CTSK: variants seen among roughly 807,000 people sequenced by gnomAD.
The protein encoded by CTSK is cathepsin K.
In CTSK, 26 loss-of-function variants were observed where a neutral mutation model predicts 40.5. The observed-to-expected ratio is 0.64, with a 90% CI of 0.47 to 0.89. CTSK has a LOEUF of 0.89. Ranked by LOEUF, CTSK falls within the 40% of genes least tolerant of loss-of-function variation. The pLI is 0.00. For missense variants in CTSK, 292 were observed against 400.1 expected (o/e 0.73, Z 2.30); for synonymous variants, 132 against 143.2 (o/e 0.92, Z 0.56).
intron 7 of CTSK, 50 bp downstream of exon 7, chr1:150,799,118 T>G: frequency 7.5e-6 from 9 of 1,197,954 alleles, no homozygotes; most frequent in South Asian, 1.2e-5. Context: ...GAGGTGAGGT[T>G]GAGTGTTAAA....
At position 150,799,600 on chromosome 1, in the gene CTSK, C is replaced by T; in HGVS notation, c.728G>A (p.Gly243Glu). The change falls in exon 6 of 8, where the codon GGA (glycine) becomes GAA (glutamate). Residue 243 changes from glycine to glutamate, a missense_variant. Gly to Glu is a moderately conservative substitution (Grantham distance 98, BLOSUM62 -2). Transcript: ENST00000271651. ...TGCATCAATGGCCACAGAGACAGGT[C>T]CCACTCGGGCCACTGCCCTCTTCAG... ...KALKRAVARVGPVSVAIDASL... is the reference protein window; with the variant it reads ...KALKRAVARVEPVSVAIDASL... The T allele has an allele frequency of 6.2e-7, 1 of 1,614,168 alleles. No individual in the cohort carries two copies. Among genetic ancestry groups the T allele is most frequent in the South Asian group, 1.1e-5 (1 of 91,076 alleles).
At chr1:150,807,080 T>TCACACACACACACACA (rs1171180978) in intron 1 of CTSK, among the ~76,000 whole-genome samples, 14 of 69,668 alleles carry the variant, frequency 2.0e-4, no homozygotes, top group South Asian at 7.9e-4. Flanking sequence ...TCTCTCTCTC[T>TCACACACACACACACA]CACACACACA....
At chr1:150,804,268 C>G in intron 4 of CTSK, 29 bp from the exon 5 acceptor site, 4 of 1,561,064 alleles carry the variant, frequency 2.6e-6, no homozygotes, top group Non-Finnish European at 3.5e-6. Flanking sequence ...AACTATCAAT[C>G]TTTGCTGTTT....
chr1:150,798,820 T>A (rs930807832), intron 7 of CTSK, among the ~76,000 whole-genome samples: 4 of 152,240 alleles, frequency 2.6e-5, no homozygotes, highest in Non-Finnish European at 5.9e-5. Flanking sequence ...TCTCTCACTA[T>A]GTGACATGCC....
At chr1:150,807,549 G>A (rs1205691708) in intron 1 of CTSK, 1 of 347,670 alleles carries the variant, frequency 2.9e-6, no homozygotes, top group Non-Finnish European at 5.6e-6. Flanking sequence ...CTGCCGCAAA[G>A]GACAAGAAGC....
At position 150,806,096 on chromosome 1, in the gene CTSK, A is replaced by C. The variant is rs765510109; in HGVS notation, c.243+6T>G. ...CAGGTGGGACAGGAGCTGAAGCTAT[A>C]CTTGCCATGTCCCCCAGGTGGTTCA... is the stretch of plus-strand genomic sequence containing the variant. On this transcript the variant is annotated splice_donor_region_variant and intron_variant, in intron 3 of 7. Coordinates refer to ENST00000271651, the MANE Select transcript of CTSK (RefSeq NM_000396.4). 3 of 1,614,190 alleles carry C rather than the reference A, an allele frequency of 1.9e-6. No individual in the cohort carries two copies.
Position 150,804,130 on chromosome 1 carries a change from C to A in CTSK, c.509G>T (p.Cys170Phe). 6.2e-7 allele frequency: 1 copy of A among 1,614,196 alleles called. No individual in the cohort carries two copies. The highest frequency in any genetic ancestry group is 2.2e-5 in the East Asian group (1 of 44,888). ...LNLSPQNLVD[C>F]VSENDGCGGG... The stretch of plus-strand genomic sequence containing the variant: ...TCCACAGCCATCATTCTCAGACACA[C>A]AATCCACTAGGTTCTGGGGACTCAG... Residue 170 changes from cysteine (C) to phenylalanine (F), a missense_variant, in exon 5 of 8, where the codon TGT becomes TTT. Transcript: ENST00000271651.
chr1:150,806,863 A>C lies in CTSK; in HGVS notation c.-1-57T>G. On this transcript the variant is annotated intron_variant, in intron 1 of 7. Coordinates refer to ENST00000271651, the MANE Select transcript of CTSK (RefSeq NM_000396.4). ...CCATTTGGCAGGGAAACAGAGGAAA[A>C]CTAGGCTTTATGAGGAAGAGAAAGG... is the stretch of plus-strand genomic sequence containing the variant. 3.1e-6 allele frequency: 5 copies of C among 1,602,292 alleles called. No individual in the cohort carries two copies. In the South Asian group the frequency reaches 5.5e-5, roughly 18 times the overall value.
rs1267654659 is a variant in CTSK at position 150,799,664 on chromosome 1, T to C, written c.664A>G (p.Arg222Gly). Residue 222 changes from arginine to glycine, a missense_variant, in exon 6 of 8, where the codon AGA (arginine) becomes GGA (glycine). By Grantham distance (125) the Arg-to-Gly change is moderately radical. Transcript: ENST00000271651. The part of the protein sequence containing the change: ...YNPTGKAAKC[R>G]GYREIPEGNE... ...CCCTCGGGGATCTCTCTGTACCCTCTGCATTTAGCTGCCTTGCCTGTTGGG... is the reference window on the plus strand; with the variant it reads ...CCCTCGGGGATCTCTCTGTACCCTCCGCATTTAGCTGCCTTGCCTGTTGGG... 1.2e-6 allele frequency: 2 copies of C among 1,614,094 alleles called. No homozygotes were observed. Among genetic ancestry groups the C allele is most frequent in the African/African-American group, 2.7e-5 (2 of 74,936 alleles).
At chr1:150,797,326 T>C (rs185340834) in intron 7 of CTSK, among the ~76,000 whole-genome samples, 1 of 152,320 alleles carries the variant, frequency 6.6e-6, no homozygotes, top group Admixed American at 6.5e-5. Flanking sequence ...TGAATTACCT[T>C]TACTGCAAGG....
intron 1 of CTSK, chr1:150,807,236 G>A (rs1451336915): frequency 2.1e-6 from 1 of 473,310 alleles, no homozygotes; most frequent in Non-Finnish European, 4.4e-6. Flanking sequence ...GGTGGTAGTG[G>A]GGTTCAGAAT....
chr1:150,799,413 G>T, intron 6 of CTSK, 131 bp downstream of exon 6: 1 of 1,247,904 alleles, frequency 8.0e-7, no homozygotes, highest in Non-Finnish European at 1.2e-6. Context: ...TACTGCAGCA[G>T]TTGTTAATTT....
intron 1 of CTSK, chr1:150,807,405 T>C (rs1308255206): frequency 2.1e-6 from 1 of 470,872 alleles, no homozygotes; most frequent in African/African-American, 2.0e-5. Context: ...ATTGTATATC[T>C]CCTCATTCTC....
Position 150,807,078 on chromosome 1 carries a change from TCTCACACACACACA to T in CTSK, c.-1-286_-1-273del, listed in dbSNP as rs1269687254. Among the ~76,000 whole-genome samples, 222 of 120,598 alleles carry T rather than the reference TCTCACACACACACA, an allele frequency of 1.8e-3. 2 individuals carry two copies. The highest frequency in any genetic ancestry group is 0.014 in the East Asian group (57 of 4,152). 79.1% of individuals were successfully genotyped at this position (120,598 alleles called of 152,430 possible). ...CTGTTTCTCTCTCTGTCTCTCTCTC[TCTCACACACACACA>T]CACACACACACACACACACACACAC... is the stretch of plus-strand genomic sequence containing the variant. On this transcript the variant is annotated intron_variant, in intron 1 of 7. Coordinates refer to ENST00000271651, the MANE Select transcript of CTSK (RefSeq NM_000396.4).
rs1340511400 is a variant in CTSK at position 150,805,842 on chromosome 1, C to A, written c.399+19G>T. On this transcript the variant is annotated intron_variant, in intron 4 of 7. Coordinates refer to ENST00000271651, the MANE Select transcript of CTSK (RefSeq NM_000396.4). The stretch of plus-strand genomic sequence containing the variant: ...GTCATGCCAGATTACATATGCACAC[C>A]CAGAAGAAAGGAGAGTACCTGATTT... The A allele has an allele frequency of 5.0e-6, 8 of 1,613,498 alleles. No individual in the cohort carries two copies. Among genetic ancestry groups the A allele is most frequent in the Non-Finnish European group, 6.8e-6 (8 of 1,179,844 alleles).
At chr1:150,803,925 C>G in intron 5 of CTSK, 96 bp downstream of exon 5, 1 of 1,087,966 alleles carries the variant, frequency 9.2e-7, no homozygotes, top group Non-Finnish European at 1.4e-6. Flanking sequence ...GATAGGATAA[C>G]AGAAAACAGT....
chr1:150,798,380 T>C (rs1415770947), intron 7 of CTSK, among the ~76,000 whole-genome samples: 1 of 152,232 alleles, frequency 6.6e-6, no homozygotes, highest in Non-Finnish European at 1.5e-5. Flanking sequence ...TCTAAGAAAC[T>C]GATCACATTA....
At chr1:150,803,198 C>A (rs1405433139) in intron 5 of CTSK, among the ~76,000 whole-genome samples, 2 of 152,070 alleles carry the variant, frequency 1.3e-5, no homozygotes, top group East Asian at 3.8e-4. Flanking sequence ...GATAAACATC[C>A]CTGGTAGATA....
intron 5 of CTSK, among the ~76,000 whole-genome samples, chr1:150,802,532 A>G (rs1415192038): frequency 6.6e-6 from 1 of 152,080 alleles, no homozygotes. Context: ...TGTCCTCCCA[A>G]CCAGCCTCCT....
Sources: allele counts gnomAD v4.1 joint callset (sites outside exome capture counted in the v4.1 genomes callset), GRCh38; gene constraint gnomAD v4.1.1; transcripts MANE v1.5; gene names NCBI Gene and HGNC (gene_info 2026-07-23, HGNC 2026-07-21).